ZNF18: variants seen among roughly 807,000 people sequenced by gnomAD.
ZNF18 encodes the protein zinc finger protein 18, also known as heart development-specific gene 1 protein.
A neutral mutation model predicts 58.1 loss-of-function variants in ZNF18; 42 were observed. That is an observed-to-expected ratio of 0.72 (90% confidence interval 0.56 to 0.93). The LOEUF is 0.93. Ranked by LOEUF, ZNF18 falls within the 40% of genes least tolerant of loss-of-function variation. The probability of loss-of-function intolerance (pLI) is 0.00; values close to 1 mark genes in which losing one functional copy is unlikely to be tolerated. For missense variants in ZNF18, 540 were observed against 644.2 expected (o/e 0.84, Z 1.75); for synonymous variants, 231 against 239.8 (o/e 0.96, Z 0.34).
chr17:11,996,356 C>A (rs1334358222), intron 1 of ZNF18, among the ~76,000 whole-genome samples: 9 of 152,090 alleles, frequency 5.9e-5, no homozygotes, highest in African/African-American at 2.2e-4. Flanking sequence ...AAGATACCGA[C>A]CTGTAAACTT....
intron 6 of ZNF18, among the ~76,000 whole-genome samples, chr17:11,982,058 C>T (rs753459947): frequency 6.6e-6 from 1 of 151,954 alleles, no homozygotes; most frequent in African/African-American, 2.4e-5. Context: ...CCAGTCTCTC[C>T]CTTCCTCTCC....
the ZNF18 span, among the ~76,000 whole-genome samples, chr17:12,016,263 C>T: frequency 2.0e-5 from 3 of 152,230 alleles, no homozygotes; most frequent in South Asian, 2.1e-4. Context: ...TTCTCCTTCC[C>T]AGTTAATCTT....
intron 3 of ZNF18, 81 bp downstream of exon 3, chr17:11,990,893 C>A: frequency 6.9e-7 from 1 of 1,442,682 alleles, no homozygotes; most frequent in South Asian, 1.3e-5. Flanking sequence ...ATCTGAGCAG[C>A]ATACCATTTC....
rs1014098596 is a variant in ZNF18, at chr17:11,992,792, G to A, written c.38C>T (p.Pro13Leu). The A allele has an allele frequency of 1.6e-5, 26 of 1,613,814 alleles. No individual in the cohort carries two copies. The highest frequency in any genetic ancestry group is 2.0e-5 in the Non-Finnish European group (24 of 1,180,052). The change falls in exon 2 of 7, where the codon CCA (proline) becomes CTA (leucine). Residue 13 changes from proline to leucine, a missense_variant. Transcript: ENST00000580306. Reference sequence around the variant, plus strand: ...GGAGTCCTCGGCCTTCGCCAGCGATGGCAGCAGGCCTAGGGCCTGCCCCAA... The same window carrying A: ...GGAGTCCTCGGCCTTCGCCAGCGATAGCAGCAGGCCTAGGGCCTGCCCCAA... ...VDLGQALGLL[P>L]SLAKAEDSQF...
At chr17:11,982,354 C>T (rs1420584049) in intron 6 of ZNF18, among the ~76,000 whole-genome samples, 1 of 152,138 alleles carries the variant, frequency 6.6e-6, no homozygotes. Context: ...CCTCTTCAAT[C>T]TTATTGTGTT....
chr17:12,015,056 CA>C, the ZNF18 span, among the ~76,000 whole-genome samples: 16 of 150,870 alleles, frequency 1.1e-4, no homozygotes, highest in East Asian at 2.3e-3. Flanking sequence ...TCAAAAAAAA[CA>C]AAAAAAACCC....
chr17:12,002,520 A>C, the ZNF18 span: 2 of 152,220 alleles, frequency 1.3e-5, no homozygotes, highest in Non-Finnish European at 2.9e-5. Context: ...AGAGATAAGA[A>C]AATCGAGATC....
intron 6 of ZNF18, among the ~76,000 whole-genome samples, 193 bp from the exon 7 acceptor site, chr17:11,978,937 G>C (rs1450221075): frequency 7.0e-6 from 1 of 142,084 alleles, no homozygotes; most frequent in Non-Finnish European, 1.5e-5. Flanking sequence ...CCTGTCCTGG[G>C]TTCAAGGCTA....
chr17:11,988,941 T>C (rs1452446308), intron 4 of ZNF18, among the ~76,000 whole-genome samples: 1 of 151,958 alleles, frequency 6.6e-6, no homozygotes. Flanking sequence ...GGTGGATCAC[T>C]TGAGGTCAGG....
At position 11,977,700 on chromosome 17, in the gene ZNF18, T is replaced by C. The variant is rs1271289208; in HGVS notation, c.*257A>G. The C allele has an allele frequency of 2.1e-5, 8 of 385,106 alleles. No individual in the cohort carries two copies. Among genetic ancestry groups the C allele is most frequent in the Non-Finnish European group, 2.7e-5 (6 of 218,794 alleles). The allele number at this position is 385,106 out of a possible 1,614,324, so 23.9% of individuals were successfully genotyped here. Reference sequence around the variant, plus strand: ...TCTCCAATTTAGACTTTTTCCCCGATGGGTCCAAAGGAAGGATGAGTGGAA... The same window carrying C: ...TCTCCAATTTAGACTTTTTCCCCGACGGGTCCAAAGGAAGGATGAGTGGAA... On this transcript the variant is annotated 3_prime_UTR_variant, in exon 7 of 7. Coordinates refer to ENST00000580306, the MANE Select transcript of ZNF18 (RefSeq NM_001303281.2).
intron 6 of ZNF18, among the ~76,000 whole-genome samples, chr17:11,981,796 A>T (rs553919432): frequency 6.6e-6 from 1 of 152,286 alleles, no homozygotes; most frequent in South Asian, 2.1e-4. Context: ...GTCCAAAAAA[A>T]AATCCTACTG....
chr17:11,993,668 C>CA (rs1342671549), intron 1 of ZNF18: 5 of 151,180 alleles, frequency 3.3e-5, no homozygotes, highest in Non-Finnish European at 7.4e-5. Flanking sequence ...AAAAAAAATA[C>CA]AAAAAATTAG....
upstream of ZNF18, among the ~76,000 whole-genome samples, chr17:11,997,903 T>A (rs1470965814): frequency 6.6e-6 from 1 of 152,192 alleles, no homozygotes; most frequent in Admixed American, 6.5e-5. Flanking sequence ...TGGGCCTCCC[T>A]GAGACACTTG....
chr17:12,003,479 G>A, the ZNF18 span, among the ~76,000 whole-genome samples: 1 of 151,946 alleles, frequency 6.6e-6, no homozygotes, highest in Non-Finnish European at 1.5e-5. Flanking sequence ...AGGTTCAGGT[G>A]GGGCTAGGAA....
intron 1 of ZNF18, chr17:11,993,754 G>A (rs1278969031): frequency 6.8e-6 from 1 of 147,408 alleles, no homozygotes; most frequent in African/African-American, 2.5e-5. Flanking sequence ...AACCCAGGAG[G>A]TGGAGCTTGC....
upstream of ZNF18, among the ~76,000 whole-genome samples, chr17:11,999,446 TA>T (rs1413900863): frequency 6.6e-6 from 1 of 152,226 alleles, no homozygotes; most frequent in Non-Finnish European, 1.5e-5. Context: ...AATTTCTTTA[TA>T]AACTGGCACC....
upstream of ZNF18, among the ~76,000 whole-genome samples, chr17:12,000,591 T>C (rs1482190103): frequency 3.3e-5 from 5 of 152,044 alleles, no homozygotes; most frequent in Non-Finnish European, 5.9e-5. Flanking sequence ...GCCTGTAATA[T>C]ACAAACTGGC....
the ZNF18 span, among the ~76,000 whole-genome samples, chr17:12,003,230 G>C: frequency 6.6e-6 from 1 of 152,038 alleles, no homozygotes; most frequent in Non-Finnish European, 1.5e-5. Flanking sequence ...ACAAGGTCAG[G>C]TGTTCGAGAC....
chr17:12,010,744 G>A, the ZNF18 span: 1 of 285,904 alleles, frequency 3.5e-6, no homozygotes, highest in Non-Finnish European at 6.7e-6. Context: ...CACTTACTAT[G>A]CCATGAATTC....
Sources: gnomAD v4.1 joint callset for allele counts (sites outside exome capture counted in the v4.1 genomes callset) on GRCh38, gnomAD v4.1.1 for gene constraint, MANE v1.5 for transcripts, NCBI Gene and HGNC (gene_info 2026-07-23, HGNC 2026-07-21) for gene names.